Variants in RNF175 observed in about 807,000 individuals in gnomAD.
RNF175 encodes the protein ring finger protein 175.
RNF175 carries 38 observed loss-of-function variants against 50.0 expected under a neutral mutation model. That is an observed-to-expected ratio of 0.76 (90% confidence interval 0.59 to 1.00). The LOEUF is 1.00. Among genes scored for constraint, RNF175 ranks in the 50% least tolerant of loss-of-function variants. The probability of loss-of-function intolerance (pLI) is 0.00; values close to 1 mark genes in which losing one functional copy is unlikely to be tolerated. For missense variants in RNF175, 388 were observed against 409.6 expected (o/e 0.95, Z 0.46); for synonymous variants, 155 against 146.1 (o/e 1.06, Z -0.44).
At chr4:153,724,918 C>A (rs1441609981) in intron 4 of RNF175, among the ~76,000 whole-genome samples, 2 of 124,248 alleles carry the variant, frequency 1.6e-5, no homozygotes, top group African/African-American at 6.2e-5. Flanking sequence ...ACGTGGGGGA[C>A]CAGGCAGAGG....
At chr4:153,747,524 G>T (rs1332874991) in intron 3 of RNF175, among the ~76,000 whole-genome samples, 6 of 152,128 alleles carry the variant, frequency 3.9e-5, no homozygotes, top group African/African-American at 1.4e-4. Context: ...CCGATACCTT[G>T]TTCCTCATTT....
intron 3 of RNF175, among the ~76,000 whole-genome samples, chr4:153,738,331 C>G (rs977866641): frequency 1.3e-5 from 2 of 151,626 alleles, no homozygotes; most frequent in Non-Finnish European, 1.5e-5. Flanking sequence ...CTACAGGTGC[C>G]TGCCGCTACA....
chr4:153,759,313 C>G (rs775600281), intron 1 of RNF175, among the ~76,000 whole-genome samples: 1 of 152,112 alleles, frequency 6.6e-6, no homozygotes, highest in Non-Finnish European at 1.5e-5. Flanking sequence ...GGTAACAGGC[C>G]CTCCGAGTGA....
At chr4:153,745,255 T>C (rs540047266) in intron 3 of RNF175, among the ~76,000 whole-genome samples, 15 of 152,204 alleles carry the variant, frequency 9.9e-5, no homozygotes, top group Non-Finnish European at 1.5e-4. Flanking sequence ...TTGTTAGACA[T>C]GCAAATTCTT....
At chr4:153,717,242 T>G (rs1338981768) in intron 6 of RNF175, among the ~76,000 whole-genome samples, 1 of 152,206 alleles carries the variant, frequency 6.6e-6, no homozygotes, top group Non-Finnish European at 1.5e-5. Flanking sequence ...TGTGTCTCTT[T>G]GACATATCCC....
chr4:153,744,027 C>A (rs907875414), intron 3 of RNF175, among the ~76,000 whole-genome samples: 1 of 152,202 alleles, frequency 6.6e-6, no homozygotes, highest in African/African-American at 2.4e-5. Flanking sequence ...GCCACACTTA[C>A]ACTTACTGGT....
chr4:153,737,469 A>G (rs903170691), intron 3 of RNF175, among the ~76,000 whole-genome samples: 2 of 152,034 alleles, frequency 1.3e-5, no homozygotes, highest in African/African-American at 4.8e-5. Flanking sequence ...TCCTCTAAGC[A>G]CTGCTTTTGC....
At chr4:153,756,252 T>C (rs1238184278) in intron 1 of RNF175, among the ~76,000 whole-genome samples, 1 of 152,176 alleles carries the variant, frequency 6.6e-6, no homozygotes, top group African/African-American at 2.4e-5. Flanking sequence ...TATCAATCTC[T>C]TATATCTTTC....
chr4:153,747,356 A>T (rs1053940610), intron 3 of RNF175, among the ~76,000 whole-genome samples: 1 of 152,226 alleles, frequency 6.6e-6, no homozygotes, highest in Non-Finnish European at 1.5e-5. Context: ...AGTTAAAAGA[A>T]GCCATGCAGG....
At chr4:153,753,726 T>G (rs889502115) in intron 1 of RNF175, among the ~76,000 whole-genome samples, 1 of 151,438 alleles carries the variant, frequency 6.6e-6, no homozygotes, top group Non-Finnish European at 1.5e-5. Context: ...CCCAGCTAAA[T>G]TTTTCTATTT....
intron 1 of RNF175, among the ~76,000 whole-genome samples, chr4:153,752,069 G>A (rs1740319739): frequency 6.6e-6 from 1 of 152,178 alleles, no homozygotes; most frequent in Non-Finnish European, 1.5e-5. Flanking sequence ...CACAGACATC[G>A]TCTCCAGAAC....
intron 6 of RNF175, among the ~76,000 whole-genome samples, chr4:153,718,238 G>GTTTTTTTTTTT (rs1430601897): frequency 1.2e-5 from 1 of 82,126 alleles, no homozygotes; most frequent in Non-Finnish European, 2.3e-5. Flanking sequence ...TTGTTTGTTT[G>GTTTTTTTTTTT]TTTTTTTTTT....
At chr4:153,751,234 A>G (rs1740274845) in intron 2 of RNF175, among the ~76,000 whole-genome samples, 1 of 152,206 alleles carries the variant, frequency 6.6e-6, no homozygotes, top group African/African-American at 2.4e-5. Context: ...CCTTTGTGGG[A>G]CTGCATGATC....
chr4:153,727,447 C>T (rs536695716), intron 4 of RNF175: 1 of 152,172 alleles, frequency 6.6e-6, no homozygotes, highest in Admixed American at 6.5e-5. Context: ...TACATGTTTC[C>T]TACTTTTTTA....
At chr4:153,750,422 G>A (rs1478153629) in intron 2 of RNF175, among the ~76,000 whole-genome samples, 1 of 152,186 alleles carries the variant, frequency 6.6e-6, no homozygotes, top group African/African-American at 2.4e-5. Context: ...GCTGGAAAAG[G>A]TGTAGAAATC....
chr4:153,712,964 C>T (rs1025558465), intron 7 of RNF175: 2 of 162,978 alleles, frequency 1.2e-5, no homozygotes, highest in Non-Finnish European at 2.6e-5. Flanking sequence ...CTCTGTTCTA[C>T]TTTTTGTGCA....
intron 4 of RNF175, among the ~76,000 whole-genome samples, chr4:153,726,102 GTTTTTGTTT>G (rs1344522139): frequency 4.0e-5 from 6 of 149,114 alleles, no homozygotes; most frequent in African/African-American, 1.5e-4. Context: ...TGTGTGTTTT[GTTTTTGTTT>G]TGTTTTGTTT....
chr4:153,755,662 ACC>A (rs754770018), intron 1 of RNF175, among the ~76,000 whole-genome samples: 1 of 117,648 alleles, frequency 8.5e-6, no homozygotes, highest in Non-Finnish European at 2.0e-5. Flanking sequence ...CACATCCCCC[ACC>A]CCCGCAAAAA....
chr4:153,736,746 G>T (rs1739371274), intron 3 of RNF175, among the ~76,000 whole-genome samples: 1 of 152,174 alleles, frequency 6.6e-6, no homozygotes. Flanking sequence ...GGTATAGTTT[G>T]TGTCTTTCAA....
Sources: gnomAD v4.1 joint callset for allele counts (sites outside exome capture counted in the v4.1 genomes callset) on GRCh38, gnomAD v4.1.1 for gene constraint, MANE v1.5 for transcripts, NCBI Gene and HGNC (gene_info 2026-07-23, HGNC 2026-07-21) for gene names.